COL23A1: variants seen among roughly 807,000 people sequenced by gnomAD.
The protein encoded by COL23A1 is collagen alpha-1(XXIII) chain.
In COL23A1, 97 loss-of-function variants were observed where a neutral mutation model predicts 99.3. The ratio of observed to expected loss-of-function variants is 0.98; its 90% CI spans 0.83 to 1.16. The LOEUF is 1.16. COL23A1 is among the 50% of genes most tolerant of loss of function. The pLI, the probability that COL23A1 is intolerant of heterozygous loss-of-function variation, is 0.00. For synonymous variants in COL23A1, 320 were observed against 308.2 expected (o/e 1.04, Z -0.40); for missense variants, 762 against 757.4 (o/e 1.01, Z -0.07).
chr5:178,349,169 T>A (rs1405623401), intron 2 of COL23A1, among the ~76,000 whole-genome samples: 1 of 152,164 alleles, frequency 6.6e-6, no homozygotes, highest in Non-Finnish European at 1.5e-5. Flanking sequence ...TCATCTGGTT[T>A]GTATTAAGAG....
intron 3 of COL23A1, among the ~76,000 whole-genome samples, chr5:178,293,793 G>C (rs1581096361): frequency 6.6e-6 from 1 of 152,062 alleles, no homozygotes; most frequent in African/African-American, 2.4e-5. Context: ...GTCAGGAAGA[G>C]GGAATGGGCT....
intron 2 of COL23A1, among the ~76,000 whole-genome samples, chr5:178,381,176 G>A (rs949843300): frequency 6.6e-6 from 1 of 152,234 alleles, no homozygotes; most frequent in Non-Finnish European, 1.5e-5. Flanking sequence ...GATTGGTGAC[G>A]TTGCCTTCAA....
intron 2 of COL23A1, among the ~76,000 whole-genome samples, chr5:178,533,175 C>A (rs1314089308): frequency 6.6e-6 from 1 of 152,158 alleles, no homozygotes; most frequent in Non-Finnish European, 1.5e-5. Context: ...ACAGATGAAA[C>A]TATTTTTTTT....
rs1275646681 is a variant in COL23A1, at chr5:178,252,609, A to G, written c.961-12T>C. 4 of 1,606,602 alleles carry G rather than the reference A, an allele frequency of 2.5e-6. 1 individual carries two copies. The highest frequency in any genetic ancestry group is 2.2e-5 in the South Asian group (2 of 89,448). On this transcript the variant is annotated splice_polypyrimidine_tract_variant and intron_variant, in intron 16 of 28. Transcript: ENST00000390654. ...GGTCCGGGAGGCCCCTGTGTGTGAG[A>G]GTGAAGCCGGTCAGTGTCATGGGTT...
intron 2 of COL23A1, among the ~76,000 whole-genome samples, chr5:178,470,026 T>TA (rs1335181421): frequency 6.6e-6 from 1 of 152,230 alleles, no homozygotes; most frequent in Non-Finnish European, 1.5e-5. Flanking sequence ...TCTAGCCAGC[T>TA]AAATCAGTCC....
At chr5:178,562,250 A>C in intron 1 of COL23A1, 4 of 149,330 alleles carry the variant, frequency 2.7e-5, no homozygotes, top group Non-Finnish European at 2.7e-5. Flanking sequence ...TCAAAAAAAG[A>C]AAAAAAAAAA....
At chr5:178,258,465 C>T (rs760074362) in intron 12 of COL23A1, among the ~76,000 whole-genome samples, 2 of 133,864 alleles carry the variant, frequency 1.5e-5, no homozygotes, top group Admixed American at 8.0e-5. Context: ...GGCACAATCT[C>T]GGCTCACTGT....
At chr5:178,262,855 G>C (rs1035392240) in intron 9 of COL23A1, among the ~76,000 whole-genome samples, 5 of 152,154 alleles carry the variant, frequency 3.3e-5, no homozygotes, top group Non-Finnish European at 7.4e-5. Context: ...AGTCTGTAAG[G>C]TTCAGAGTTA....
chr5:178,353,885 G>T (rs1761469713), intron 2 of COL23A1, among the ~76,000 whole-genome samples: 1 of 151,486 alleles, frequency 6.6e-6, no homozygotes, highest in Non-Finnish European at 1.5e-5. Flanking sequence ...ATCTCAGATA[G>T]ACCACGATGT....
chr5:178,345,496 T>C (rs1410025936), intron 2 of COL23A1, among the ~76,000 whole-genome samples: 2 of 151,842 alleles, frequency 1.3e-5, no homozygotes, highest in Non-Finnish European at 2.9e-5. Context: ...ATAACAGGAC[T>C]TTCTATTTTC....
At chr5:178,517,870 GTTCTTTTTTTTTT>G (rs1468312975) in intron 2 of COL23A1, among the ~76,000 whole-genome samples, 1 of 81,938 alleles carries the variant, frequency 1.2e-5, no homozygotes, top group Non-Finnish European at 2.2e-5. Flanking sequence ...AGCAACAGCG[GTTCTTTTTTTTTT>G]TTTTTTTTTT....
chr5:178,573,315 C>T (rs1457594321), intron 1 of COL23A1, among the ~76,000 whole-genome samples: 4 of 152,200 alleles, frequency 2.6e-5, no homozygotes, highest in African/African-American at 9.6e-5. Context: ...CACACTGAGC[C>T]TCAGGTTCTG....
intron 2 of COL23A1, among the ~76,000 whole-genome samples, chr5:178,505,593 G>C (rs1211214250): frequency 6.6e-6 from 1 of 152,102 alleles, no homozygotes; most frequent in Non-Finnish European, 1.5e-5. Flanking sequence ...TATTGGATTA[G>C]GGCACGTGTT....
intron 2 of COL23A1, among the ~76,000 whole-genome samples, chr5:178,331,671 G>T (rs547736432): frequency 3.4e-4 from 52 of 152,270 alleles, no homozygotes; most frequent in African/African-American, 1.2e-3. Flanking sequence ...AGACACATGC[G>T]CCTGGCTTCT....
intron 5 of COL23A1, among the ~76,000 whole-genome samples, chr5:178,286,403 C>T (rs910593289): frequency 3.9e-5 from 6 of 152,256 alleles, no homozygotes; most frequent in African/African-American, 9.6e-5. Flanking sequence ...TTCCCAGCCC[C>T]GACAGTCACA....
At position 178,310,042 on chromosome 5, in the gene COL23A1, C is replaced by G. The variant is rs950201567; in HGVS notation, c.362-3123G>C. On this transcript the variant is annotated intron_variant, in intron 2 of 28. Transcript: ENST00000390654. The surrounding 1 kb of genome is among the most constrained non-coding windows in gnomAD (Gnocchi z 4.3). ...GAAAAGACTGCAAGTCCAGCAAGCT[C>G]CAGGGCTTAGGAGAGACACAGGGCC... Among the ~76,000 whole-genome samples the G allele has an allele frequency of 2.0e-5, 3 of 152,190 alleles. No homozygotes were observed. Among genetic ancestry groups the G allele is most frequent in the Non-Finnish European group, 4.4e-5 (3 of 68,020 alleles).
intron 2 of COL23A1, among the ~76,000 whole-genome samples, chr5:178,445,387 C>T (rs1340348324): frequency 2.0e-5 from 3 of 152,138 alleles, no homozygotes; most frequent in African/African-American, 7.2e-5. Flanking sequence ...ATTTTAATAT[C>T]AGATGCCCTA....
chr5:178,494,857 G>A (rs1286940877), intron 2 of COL23A1, among the ~76,000 whole-genome samples: 2 of 152,144 alleles, frequency 1.3e-5, no homozygotes, highest in Non-Finnish European at 2.9e-5. Context: ...ACATCGAGGT[G>A]GGCCACAGGG....
chr5:178,397,581 C>T (rs1307664877), intron 2 of COL23A1, among the ~76,000 whole-genome samples: 3 of 152,196 alleles, frequency 2.0e-5, no homozygotes, highest in East Asian at 1.9e-4. Flanking sequence ...GGTTAGACAG[C>T]GCCTGGATAA....
Sources: allele counts gnomAD v4.1 joint callset (sites outside exome capture counted in the v4.1 genomes callset), GRCh38; gene constraint gnomAD v4.1.1; non-coding constraint Gnocchi (gnomAD v3.1); transcripts MANE v1.5; gene names NCBI Gene and HGNC (gene_info 2026-07-23, HGNC 2026-07-21).